The following TPM2 variants were observed in gnomAD, a reference collection of about 807,000 sequenced individuals.
TPM2 encodes the protein tropomyosin beta chain.
In TPM2, 26 loss-of-function variants were observed where a neutral mutation model predicts 41.0. That is an observed-to-expected ratio of 0.63 (90% CI 0.46 to 0.88). The LOEUF (loss-of-function observed/expected upper bound fraction) is 0.88. Among genes scored for constraint, TPM2 ranks in the 40% least tolerant of loss-of-function variants. The pLI, the probability that TPM2 is intolerant of heterozygous loss-of-function variation, is 0.00. For missense variants in TPM2, 187 were observed against 355.2 expected (o/e 0.53, Z 3.81); for synonymous variants, 143 against 139.3 (o/e 1.03, Z -0.19).
At chr9:35,684,934 C>G in intron 5 of TPM2, 127 bp from the exon 6 acceptor site, 1 of 1,610,140 alleles carries the variant, frequency 6.2e-7, no homozygotes, top group Non-Finnish European at 8.5e-7. Flanking sequence ...TGACAGCAGG[C>G]AGGGCTCAGA....
chr9:35,682,977 A>G lies in TPM2; in HGVS notation c.*182T>C, dbSNP rs889762045. ...GCAGCAAAGGAGGGTGGAAGGGGAT[A>G]GGTAAAGGATGAAGCCAGTGCCAGA... On this transcript the variant is annotated 3_prime_UTR_variant, in exon 9 of 9. Coordinates refer to ENST00000645482, the MANE Select transcript of TPM2 (RefSeq NM_003289.4). 7.9e-6 allele frequency: 12 copies of G among 1,523,968 alleles called. No homozygotes were observed. The highest frequency in any genetic ancestry group is 1.1e-5 in the Non-Finnish European group (12 of 1,132,148). The allele number at this position is 1,523,968 out of a possible 1,614,324, so 94.4% of individuals were successfully genotyped here.
upstream of TPM2, chr9:35,689,973 C>T: frequency 3.3e-6 from 5 of 1,503,832 alleles, no homozygotes; most frequent in South Asian, 1.2e-5. Flanking sequence ...AGGGACCGGG[C>T]GGGGCCGGCA....
chr9:35,689,282 G>A lies in TPM2; in HGVS notation c.115-11C>T. 1.2e-6 allele frequency: 2 copies of A among 1,614,034 alleles called. No homozygotes were observed. The highest frequency in any genetic ancestry group is 1.3e-5 in the African/African-American group (1 of 75,086). On this transcript the variant is annotated splice_polypyrimidine_tract_variant and intron_variant, in intron 1 of 8. Transcript: ENST00000645482. ...CTGCTCCTCCTCCAGCTGGGACAGA[G>A]GGGACTTGGTCAGCCAGGCTGGGAG...
At chr9:35,683,393 C>CA in intron 8 of TPM2, 152 bp from the exon 9 acceptor site, 5 of 770,952 alleles carry the variant, frequency 6.5e-6, no homozygotes, top group Non-Finnish European at 1.1e-5. Flanking sequence ...ACAGGCTGGA[C>CA]AGCTGTCAGG....
intron 7 of TPM2, 42 bp from the exon 8 acceptor site, chr9:35,684,357 G>T (rs1563927582): frequency 6.2e-7 from 1 of 1,611,800 alleles, no homozygotes; most frequent in Non-Finnish European, 8.5e-7. Context: ...AAAGAATTAG[G>T]CCCTCCCACA....
downstream of TPM2, chr9:35,682,230 A>G (rs944283769): frequency 1.3e-6 from 2 of 1,534,826 alleles, no homozygotes; most frequent in African/African-American, 2.7e-5. Flanking sequence ...AGGCAGGGCC[A>G]GGGGAAGGTG....
downstream of TPM2, chr9:35,682,794 G>C: frequency 7.4e-7 from 1 of 1,351,174 alleles, no homozygotes; most frequent in Non-Finnish European, 9.8e-7. Flanking sequence ...AGGGGTTTCA[G>C]CGTGGGCCAT....
upstream of TPM2, chr9:35,689,945 G>A: frequency 1.3e-6 from 2 of 1,577,968 alleles, no homozygotes; most frequent in Non-Finnish European, 1.7e-6. Flanking sequence ...CGGCCACGCG[G>A]GCGCCTAAAA....
At position 35,685,174 on chromosome 9, in the gene TPM2, C is replaced by T; in HGVS notation, c.563+95G>A. On this transcript the variant is annotated intron_variant, in intron 5 of 8. Transcript: ENST00000645482. This position sits in a 1 kb window ranked among gnomAD's most constrained non-coding sequence, Gnocchi z 5.0. ...GCGGGCAGGGGTCAGAGAACAGGGC[C>T]TGTCCCTACAGCCCCAAGCCTAGGA... The T allele has an allele frequency of 6.2e-7, 1 of 1,614,138 alleles. No homozygotes were observed. The highest frequency in any genetic ancestry group is 8.5e-7 in the Non-Finnish European group (1 of 1,180,000).
At chr9:35,684,882 G>A in intron 5 of TPM2, 75 bp from the exon 6 acceptor site, 1 of 1,613,542 alleles carries the variant, frequency 6.2e-7, no homozygotes, top group Non-Finnish European at 8.5e-7. Context: ...GGCACAGCAG[G>A]GGACGGGTGG....
chr9:35,682,372 T>TG, downstream of TPM2: 1 of 996,358 alleles, frequency 1.0e-6, no homozygotes. Context: ...CTCAAGGCCT[T>TG]GGGGTCATAG....
chr9:35,688,563 T>C (rs1206138751), intron 2 of TPM2, among the ~76,000 whole-genome samples: 4 of 152,208 alleles, frequency 2.6e-5, no homozygotes, highest in Admixed American at 2.6e-4. Context: ...CTCTGCCCTG[T>C]GGCCTGGCAT....
chr9:35,689,863 C>A lies in TPM2; in HGVS notation c.-46G>T. On this transcript the variant is annotated 5_prime_UTR_variant, in exon 1 of 9. Coordinates refer to ENST00000645482, the MANE Select transcript of TPM2 (RefSeq NM_003289.4). ...CGGCCGGCAGGCGGTGAGGACCGGA[C>A]GGACTGGGCTGGGTGAGCGGACTGG... 7 of 1,611,974 alleles carry A rather than the reference C, an allele frequency of 4.3e-6. No individual in the cohort carries two copies. Among genetic ancestry groups the A allele is most frequent in the East Asian group, 4.5e-5 (2 of 44,800 alleles).
chr9:35,684,025 T>C, intron 8 of TPM2: 1 of 579,434 alleles, frequency 1.7e-6, no homozygotes, highest in Non-Finnish European at 3.1e-6. Context: ...ACTCTCCCAG[T>C]GATTCTCATG....
chr9:35,689,437 G>T, intron 1 of TPM2, 166 bp from the exon 2 acceptor site: 1 of 968,362 alleles, frequency 1.0e-6, no homozygotes, highest in Non-Finnish European at 1.2e-6. Flanking sequence ...CCCGTTGAGG[G>T]TACAGAGAAA....
rs1262220624 is a variant in TPM2 at position 35,689,839 on chromosome 9, G to A, written c.-22C>T. Reference sequence around the variant, plus strand: ...CCATGGCTGCGGTGGGGGGTGGGCCGGCCGGCAGGCGGTGAGGACCGGACG... The same window carrying A: ...CCATGGCTGCGGTGGGGGGTGGGCCAGCCGGCAGGCGGTGAGGACCGGACG... On this transcript the variant is annotated 5_prime_UTR_variant, in exon 1 of 9. Coordinates refer to ENST00000645482, the MANE Select transcript of TPM2 (RefSeq NM_003289.4). 1.5e-5 allele frequency: 24 copies of A among 1,613,174 alleles called. No homozygotes were observed. The highest frequency in any genetic ancestry group is 1.9e-5 in the Non-Finnish European group (22 of 1,179,472).
Position 35,685,111 on chromosome 9 carries a change from G to A in TPM2, c.563+158C>T, listed in dbSNP as rs1059284. The A allele has an allele frequency of 4.3e-6, 7 of 1,614,162 alleles. No individual in the cohort carries two copies. The highest frequency in any genetic ancestry group is 3.3e-5 in the South Asian group (3 of 91,080). On this transcript the variant is annotated intron_variant, in intron 5 of 8. Coordinates refer to ENST00000645482, the MANE Select transcript of TPM2 (RefSeq NM_003289.4). This position sits in a 1 kb window ranked among gnomAD's most constrained non-coding sequence, Gnocchi z 5.0. ...GACTTGAGGGCCTGGTCCATGGTTC[G>A]AAGTTCCTCCTCCAGCTGTCTGGCT...
upstream of TPM2, chr9:35,690,020 G>T: frequency 1.1e-5 from 15 of 1,407,556 alleles, no homozygotes; most frequent in Non-Finnish European, 9.2e-6. Flanking sequence ...AAACCTTGTA[G>T]GGGCAGAAGC....
chr9:35,689,947 C>A, upstream of TPM2: 1 of 1,572,666 alleles, frequency 6.4e-7, no homozygotes, highest in South Asian at 1.1e-5. Context: ...GCCACGCGGG[C>A]GCCTAAAAGG....
Sources: allele counts gnomAD v4.1 joint callset (sites outside exome capture counted in the v4.1 genomes callset), GRCh38; gene constraint gnomAD v4.1.1; non-coding constraint Gnocchi (gnomAD v3.1); transcripts MANE v1.5; gene names NCBI Gene and HGNC (gene_info 2026-07-23, HGNC 2026-07-21).